MSI2: variants seen among roughly 807,000 people sequenced by gnomAD.
MSI2 encodes RNA-binding protein Musashi homolog 2.
MSI2 carries 17 observed loss-of-function variants against 45.6 expected under a neutral mutation model. The ratio of observed to expected loss-of-function variants is 0.37; its 90% CI spans 0.26 to 0.56. The LOEUF is 0.56. MSI2 is among the 20% of genes least tolerant of loss of function. MSI2 has a pLI of 0.77. For missense variants in MSI2, 293 were observed against 444.2 expected (o/e 0.66, Z 3.06); for synonymous variants, 156 against 158.2 (o/e 0.99, Z 0.11).
chr17:57,563,110 A>C (rs1339640240), intron 7 of MSI2, among the ~76,000 whole-genome samples: 1 of 150,686 alleles, frequency 6.6e-6, no homozygotes, highest in East Asian at 1.9e-4. Flanking sequence ...AAAAAAAAAA[A>C]AAAAAAAAAA....
At chr17:57,320,712 G>A (rs1312854564) in intron 5 of MSI2, among the ~76,000 whole-genome samples, 1 of 152,140 alleles carries the variant, frequency 6.6e-6, no homozygotes, top group Non-Finnish European at 1.5e-5. Context: ...CAGGCTGGTT[G>A]AGGGATGCCC....
intron 11 of MSI2, among the ~76,000 whole-genome samples, chr17:57,657,793 T>A (rs1911712597): frequency 6.6e-6 from 1 of 152,190 alleles, no homozygotes; most frequent in Non-Finnish European, 1.5e-5. Context: ...ATCCTGGAGC[T>A]ATTTGGGTCA....
intron 9 of MSI2, among the ~76,000 whole-genome samples, chr17:57,617,743 G>A (rs1907859456): frequency 6.6e-6 from 1 of 152,040 alleles, no homozygotes; most frequent in African/African-American, 2.4e-5. Context: ...GAGCCAGCCT[G>A]GGCAACATAG....
chr17:57,421,201 A>C (rs1415028341), intron 6 of MSI2, among the ~76,000 whole-genome samples: 1 of 151,940 alleles, frequency 6.6e-6, no homozygotes, highest in Non-Finnish European at 1.5e-5. Context: ...TCCACAGGTT[A>C]ATGTGTTTTG....
rs138826695 is a variant in MSI2 at position 57,472,567 on chromosome 17, C to T, written c.406-57109C>T. ...CTTTGGGGCCAACCCCATCTGGGCT[C>T]GAATCCTAGCTCTGCTGCCAACTGG... is the stretch of plus-strand genomic sequence containing the variant. On this transcript the variant is annotated intron_variant, in intron 6 of 13. Coordinates refer to ENST00000284073, the MANE Select transcript of MSI2 (RefSeq NM_138962.4). Among the ~76,000 whole-genome samples, 287 of 152,328 alleles carry T rather than the reference C, an allele frequency of 1.9e-3. 1 individual carries two copies. The highest frequency in any genetic ancestry group is 6.6e-3 in the African/African-American group (276 of 41,558).
intron 9 of MSI2, chr17:57,625,443 T>C (rs919035056): frequency 2.4e-4 from 36 of 152,278 alleles, no homozygotes; most frequent in African/African-American, 7.7e-4. Flanking sequence ...TGTTGCCGAG[T>C]GCAGGCAAAG....
chr17:57,275,042 G>T (rs1226371301), intron 5 of MSI2, among the ~76,000 whole-genome samples: 2 of 152,208 alleles, frequency 1.3e-5, no homozygotes, highest in South Asian at 2.1e-4. Context: ...GATACAAAGT[G>T]TTCTGTTCTT....
intron 7 of MSI2, among the ~76,000 whole-genome samples, chr17:57,554,391 C>T (rs530011393): frequency 1.3e-5 from 2 of 152,256 alleles, no homozygotes; most frequent in South Asian, 4.2e-4. Flanking sequence ...AGCTGAGAGC[C>T]GCCAGCATCT....
chr17:57,509,459 C>T (rs748462893), intron 6 of MSI2, among the ~76,000 whole-genome samples: 1 of 152,078 alleles, frequency 6.6e-6, no homozygotes, highest in East Asian at 1.9e-4. Context: ...TCACTCTTGT[C>T]GCCCAGGCTG....
At chr17:57,282,987 C>T (rs1229360527) in intron 5 of MSI2, among the ~76,000 whole-genome samples, 4 of 152,028 alleles carry the variant, frequency 2.6e-5, no homozygotes, top group Non-Finnish European at 5.9e-5. Flanking sequence ...TTTAAAATAA[C>T]CATGTTCACC....
In MSI2 at chr17:57,475,225, G is replaced by C. The variant is rs571764559; in HGVS notation, c.406-54451G>C. Among the ~76,000 whole-genome samples the C allele has an allele frequency of 2.0e-5, 3 of 152,292 alleles. No individual in the cohort carries two copies. In the South Asian group the frequency reaches 6.2e-4, roughly 32 times the overall value. On this transcript the variant is annotated intron_variant, in intron 6 of 13. Transcript: ENST00000284073. ...CAGGAGCTGAAGGATTTACCAAAACGCCTAGGGAGGGCTCCCTGTTCTCAC... is the reference window on the plus strand; with the variant it reads ...CAGGAGCTGAAGGATTTACCAAAACCCCTAGGGAGGGCTCCCTGTTCTCAC...
intron 11 of MSI2, among the ~76,000 whole-genome samples, chr17:57,667,162 A>G (rs1379071718): frequency 2.0e-5 from 3 of 152,142 alleles, no homozygotes; most frequent in Non-Finnish European, 4.4e-5. Context: ...GGGTGGTTCA[A>G]TGCAGCATGG....
chr17:57,302,862 G>T (rs770036438), intron 5 of MSI2, among the ~76,000 whole-genome samples: 7 of 152,228 alleles, frequency 4.6e-5, no homozygotes, highest in African/African-American at 1.7e-4. Context: ...GCAGCAGATC[G>T]TGGGCAAGGG....
intron 6 of MSI2, among the ~76,000 whole-genome samples, chr17:57,474,072 T>C (rs2085491202): frequency 6.6e-6 from 1 of 152,162 alleles, no homozygotes; most frequent in East Asian, 1.9e-4. Flanking sequence ...CGGAGGCAGA[T>C]GAGGGGATAT....
chr17:57,694,640 T>A, the MSI2 span, among the ~76,000 whole-genome samples: 1 of 152,136 alleles, frequency 6.6e-6, no homozygotes, highest in Non-Finnish European at 1.5e-5. Flanking sequence ...AATTAAGACA[T>A]ACATTGAAAG....
intron 10 of MSI2, among the ~76,000 whole-genome samples, chr17:57,648,132 C>CGTGTGTGT (rs765039915): frequency 0.013 from 1,564 of 116,228 alleles, 24 homozygotes; most frequent in African/African-American, 0.019. Context: ...CTGGCTAATT[C>CGTGTGTGT]GTGTGTGTGT....
intron 10 of MSI2, among the ~76,000 whole-genome samples, chr17:57,633,467 A>C (rs1381751607): frequency 6.6e-6 from 1 of 152,228 alleles, no homozygotes; most frequent in African/African-American, 2.4e-5. Context: ...TCTCAAGTGA[A>C]AATGCCACAC....
At chr17:57,698,926 T>TGCGC in the MSI2 span, among the ~76,000 whole-genome samples, 2 of 134,108 alleles carry the variant, frequency 1.5e-5, no homozygotes, top group African/African-American at 6.3e-5. Context: ...TGTGTGTGTG[T>TGCGC]GTGTGTGTGT....
intron 5 of MSI2, among the ~76,000 whole-genome samples, chr17:57,379,741 C>T (rs562653755): frequency 5.3e-5 from 8 of 152,012 alleles, no homozygotes; most frequent in African/African-American, 1.4e-4. Flanking sequence ...AGTGGCCCCT[C>T]GCCCTCTTAA....
Sources: gnomAD v4.1 joint callset for allele counts (sites outside exome capture counted in the v4.1 genomes callset) on GRCh38, gnomAD v4.1.1 for gene constraint, MANE v1.5 for transcripts, NCBI Gene and HGNC (gene_info 2026-07-23, HGNC 2026-07-21) for gene names.